The following NMD3 variants were observed in gnomAD, a reference collection of about 807,000 sequenced individuals.
The protein encoded by NMD3 is 60S ribosomal export protein NMD3.
A neutral mutation model predicts 73.1 loss-of-function variants in NMD3; 47 were observed. That is an observed-to-expected ratio of 0.64 (90% CI 0.51 to 0.82). The LOEUF (loss-of-function observed/expected upper bound fraction) is 0.82, where lower values mean the gene tolerates loss of function less well. Ranked by LOEUF, NMD3 falls within the 40% of genes least tolerant of loss-of-function variation. The probability of loss-of-function intolerance (pLI) is 0.00; values close to 1 mark genes in which losing one functional copy is unlikely to be tolerated. For synonymous variants in NMD3, 210 were observed against 194.5 expected, an observed-to-expected ratio of 1.08 and a Z score of -0.66; for missense variants, 554 against 612.5, an observed-to-expected ratio of 0.90 and a Z score of 1.01.
chr3:161,238,878 A>G (rs764358777), intron 9 of NMD3, 52 bp downstream of exon 9: 2 of 861,110 alleles, frequency 2.3e-6, no homozygotes, highest in African/African-American at 1.8e-5. Flanking sequence ...CAAGTAATTA[A>G]TTGGCTTATA....
rs1469923934 is a variant in NMD3, at chr3:161,251,782, A to G, written c.*872A>G. 1 of 152,220 alleles carries G rather than the reference A, an allele frequency of 6.6e-6. No individual in the cohort carries two copies. Among genetic ancestry groups the G allele is most frequent in the Non-Finnish European group, 1.5e-5 (1 of 68,032 alleles). 9.4% of individuals were successfully genotyped at this position (152,220 alleles called of 1,614,324 possible). ...AGAATCCAGCATGAAGATAATGGCT[A>G]ATAAAAATGAGGTACATACTTTATA... On this transcript the variant is annotated 3_prime_UTR_variant, in exon 16 of 16. Coordinates refer to ENST00000351193, the MANE Select transcript of NMD3 (RefSeq NM_015938.5).
At chr3:161,224,885 A>T in intron 2 of NMD3, 45 bp from the exon 3 acceptor site, 1 of 1,537,378 alleles carries the variant, frequency 6.5e-7, no homozygotes, top group Non-Finnish European at 8.8e-7. Context: ...AATTTAGTGT[A>T]TTTTAAAAAT....
chr3:161,247,515 AGT>A (rs1046674064), intron 13 of NMD3, among the ~76,000 whole-genome samples, 185 bp downstream of exon 13: 1 of 150,902 alleles, frequency 6.6e-6, no homozygotes, highest in Non-Finnish European at 1.5e-5. Context: ...GGCTGGGTGC[AGT>A]GGCTCAAGCC....
At chr3:161,229,271 T>A (rs1376976137) in intron 4 of NMD3, among the ~76,000 whole-genome samples, 1 of 152,154 alleles carries the variant, frequency 6.6e-6, no homozygotes, top group Non-Finnish European at 1.5e-5. Flanking sequence ...CTGGCTGCTG[T>A]TTTTAGAATG....
intron 13 of NMD3, 131 bp downstream of exon 13, chr3:161,247,461 G>A (rs927479048): frequency 1.2e-5 from 6 of 516,390 alleles, no homozygotes; most frequent in Non-Finnish European, 2.0e-5. Context: ...TGCAGATAAG[G>A]TATAATAGCA....
intron 3 of NMD3, among the ~76,000 whole-genome samples, chr3:161,225,578 ACTT>A (rs1228115608): frequency 6.6e-6 from 1 of 152,160 alleles, no homozygotes; most frequent in Non-Finnish European, 1.5e-5. Context: ...AAGGAAGAAG[ACTT>A]CTTCTGAATG....
At chr3:161,242,268 G>C (rs1737013904) in intron 10 of NMD3, among the ~76,000 whole-genome samples, 1 of 151,984 alleles carries the variant, frequency 6.6e-6, no homozygotes, top group African/African-American at 2.4e-5. Context: ...TTAGCCCTGT[G>C]GCATTCTGGT....
Position 161,238,113 on chromosome 3 carries a change from A to C in NMD3, c.578A>C (p.Asp193Ala). 1 of 1,511,538 alleles carries C rather than the reference A, an allele frequency of 6.6e-7. No individual in the cohort carries two copies. Among genetic ancestry groups the C allele is most frequent in the Non-Finnish European group, 9.0e-7 (1 of 1,114,292 alleles). 93.6% of individuals were successfully genotyped at this position (1,511,538 alleles called of 1,614,324 possible). A position where few individuals can be genotyped will look rare whatever the true frequency, so the allele number is the denominator to read the frequency against. The change falls in exon 8 of 16, where the codon GAT (aspartate) becomes GCT (alanine). Residue 193 changes from aspartate (D) to alanine (A), a missense_variant and splice_region_variant. Coordinates refer to ENST00000351193, the MANE Select transcript of NMD3 (RefSeq NM_015938.5). ...ATAGGGCTTTTTTTTTTTTTTTAAG[A>C]TGGTCTGGATTTTTATTATTCCTCA... is the stretch of plus-strand genomic sequence containing the variant. ...QNTLRIKEIH[D>A]GLDFYYSSKQ...
intron 2 of NMD3, 117 bp downstream of exon 2, chr3:161,222,174 G>T: frequency 1.3e-6 from 1 of 780,912 alleles, no homozygotes; most frequent in Non-Finnish European, 2.2e-6. Context: ...GTCATAAATG[G>T]GAAAAAATAG....
At chr3:161,224,636 G>A (rs1480285680) in intron 2 of NMD3, among the ~76,000 whole-genome samples, 17 of 151,914 alleles carry the variant, frequency 1.1e-4, no homozygotes, top group African/African-American at 3.6e-4. Context: ...ACAGGCGTGC[G>A]CCACCATGCC....
chr3:161,231,298 G>A (rs577973917), intron 4 of NMD3, among the ~76,000 whole-genome samples: 1 of 152,306 alleles, frequency 6.6e-6, no homozygotes, highest in Admixed American at 6.5e-5. Context: ...ATGGGAGGTG[G>A]TAGTCAGGGA....
At chr3:161,227,762 A>T (rs746325333) in intron 4 of NMD3, among the ~76,000 whole-genome samples, 1 of 152,052 alleles carries the variant, frequency 6.6e-6, no homozygotes, top group Non-Finnish European at 1.5e-5. Flanking sequence ...GTAACTATTA[A>T]ATGTTACTAT....
At chr3:161,234,268 C>G (rs979556415) in intron 5 of NMD3, among the ~76,000 whole-genome samples, 5 of 151,624 alleles carry the variant, frequency 3.3e-5, no homozygotes, top group Admixed American at 2.6e-4. Flanking sequence ...GTTCGAGACC[C>G]CATCTCTACT....
In NMD3 at chr3:161,221,975, TTTTTTTTTTTTTTAA is replaced by T; in HGVS notation, c.-20-18_-20-4del. The T allele has an allele frequency of 1.7e-6, 1 of 591,440 alleles. No homozygotes were observed. Among genetic ancestry groups the T allele is most frequent in the Non-Finnish European group, 2.2e-6 (1 of 453,836 alleles). The allele number at this position is 591,440 out of a possible 1,614,324, so 36.6% of individuals were successfully genotyped here. On this transcript the variant is annotated splice_region_variant and splice_polypyrimidine_tract_variant and intron_variant, in intron 1 of 15. Transcript: ENST00000351193. ...AACATTCTCTTTTTTTTTTTTTTTT[TTTTTTTTTTTTTTAA>T]AAGAACTTAAGGCATACAGAACGAT...
chr3:161,250,495 A>C (rs1417868575), intron 15 of NMD3, among the ~76,000 whole-genome samples, 169 bp downstream of exon 15: 2 of 152,202 alleles, frequency 1.3e-5, no homozygotes, highest in African/African-American at 4.8e-5. Context: ...AATAAAACTT[A>C]ACAAAATACT....
At chr3:161,252,823 G>A, downstream of NMD3, 1 of 695,632 alleles carries the variant, frequency 1.4e-6, no homozygotes, top group Non-Finnish European at 2.6e-6. Context: ...GAGGGGCCAA[G>A]TGTGGTGGTT....
intron 4 of NMD3, among the ~76,000 whole-genome samples, chr3:161,230,584 A>G (rs1458285607): frequency 6.6e-6 from 1 of 152,248 alleles, no homozygotes; most frequent in East Asian, 1.9e-4. Context: ...GATATAGTAC[A>G]TAGTGAAAGA....
chr3:161,230,544 C>T (rs924657367), intron 4 of NMD3, among the ~76,000 whole-genome samples: 11 of 152,048 alleles, frequency 7.2e-5, no homozygotes, highest in African/African-American at 2.4e-4. Context: ...GAATAATTGG[C>T]TGGGGGGTGG....
intron 3 of NMD3, 112 bp from the exon 4 acceptor site, chr3:161,227,135 C>G (rs1736349458): frequency 1.8e-6 from 1 of 553,978 alleles, no homozygotes; most frequent in South Asian, 2.2e-5. Flanking sequence ...TCATATCATC[C>G]TTGGGTTTTA....
Sources: allele counts gnomAD v4.1 joint callset (sites outside exome capture counted in the v4.1 genomes callset), GRCh38; gene constraint gnomAD v4.1.1; transcripts MANE v1.5; gene names NCBI Gene and HGNC (gene_info 2026-07-23, HGNC 2026-07-21).